EPHA6: variants seen among roughly 807,000 people sequenced by gnomAD.
The protein encoded by EPHA6 is ephrin type-A receptor 6.
Under a neutral mutation model 112.0 loss-of-function variants are expected in EPHA6, and 50 were observed. That is an observed-to-expected ratio of 0.45 (90% CI 0.36 to 0.56). The LOEUF (loss-of-function observed/expected upper bound fraction) is 0.56. Ranked by LOEUF, EPHA6 falls within the 20% of genes least tolerant of loss-of-function variation. The probability of loss-of-function intolerance (pLI) is 0.00; values close to 1 mark genes in which losing one functional copy is unlikely to be tolerated. For synonymous variants in EPHA6, 529 were observed against 490.7 expected (o/e 1.08, Z -1.03); for missense variants, 1,280 against 1,417.4 (o/e 0.90, Z 1.56).
chr3:97,229,674 A>G (rs773552551), intron 4 of EPHA6, among the ~76,000 whole-genome samples: 7 of 152,140 alleles, frequency 4.6e-5, no homozygotes, highest in South Asian at 2.1e-4. Flanking sequence ...AGATGTCCCA[A>G]TTTTTTAAAC....
intron 12 of EPHA6, among the ~76,000 whole-genome samples, chr3:97,610,243 A>G (rs1369253943): frequency 6.6e-6 from 1 of 151,566 alleles, no homozygotes; most frequent in Non-Finnish European, 1.5e-5. Context: ...GCATTCATCA[A>G]TCTAAAATTT....
At chr3:97,041,418 T>C (rs1056839239) in intron 3 of EPHA6, among the ~76,000 whole-genome samples, 3 of 152,088 alleles carry the variant, frequency 2.0e-5, no homozygotes, top group Admixed American at 1.3e-4. Flanking sequence ...TGCTGTCTTG[T>C]AATGCTGTAA....
intron 15 of EPHA6, among the ~76,000 whole-genome samples, chr3:97,725,275 C>G (rs1297204596): frequency 1.3e-5 from 2 of 152,050 alleles, no homozygotes; most frequent in African/African-American, 2.4e-5. Context: ...ACACAAATCC[C>G]AGAGGAGATT....
chr3:97,258,560 T>C (rs777862052), intron 5 of EPHA6, among the ~76,000 whole-genome samples: 1 of 152,190 alleles, frequency 6.6e-6, no homozygotes, highest in Non-Finnish European at 1.5e-5. Flanking sequence ...TTTCATATAC[T>C]GTGTACATAG....
At chr3:97,539,103 C>CCTTCCTTCCTTTCTTT in intron 11 of EPHA6, among the ~76,000 whole-genome samples, 1 of 83,874 alleles carries the variant, frequency 1.2e-5, no homozygotes, top group African/African-American at 5.5e-5. Flanking sequence ...TTCCTTCCTT[C>CCTTCCTTCCTTTCTTT]CTTTCTTTCT....
chr3:96,920,773 A>C (rs2039716473), intron 2 of EPHA6, among the ~76,000 whole-genome samples: 1 of 151,980 alleles, frequency 6.6e-6, no homozygotes, highest in Admixed American at 6.6e-5. Flanking sequence ...AACTCCATTA[A>C]ATGGCTTGAA....
chr3:97,376,240 A>G (rs890476449), intron 5 of EPHA6, among the ~76,000 whole-genome samples: 1 of 152,208 alleles, frequency 6.6e-6, no homozygotes, highest in Non-Finnish European at 1.5e-5. Flanking sequence ...GAGTTATCTC[A>G]TGATAAATAT....
intron 2 of EPHA6, among the ~76,000 whole-genome samples, chr3:96,971,197 A>G (rs1261273464): frequency 6.6e-6 from 1 of 152,096 alleles, no homozygotes; most frequent in African/African-American, 2.4e-5. Context: ...TTTATGGGAT[A>G]ATCTATTCCT....
intron 5 of EPHA6, among the ~76,000 whole-genome samples, chr3:97,324,473 T>TTTCTTTCTTTCTTTC (rs1559884080): frequency 5.6e-5 from 4 of 71,256 alleles, no homozygotes; most frequent in African/African-American, 1.8e-4. Context: ...TTCTTTCTTT[T>TTTCTTTCTTTCTTTC]TCTTTCGTCT....
At chr3:96,931,977 A>C (rs1202449293) in intron 2 of EPHA6, among the ~76,000 whole-genome samples, 1 of 152,102 alleles carries the variant, frequency 6.6e-6, no homozygotes. Flanking sequence ...GTGTGGGTCC[A>C]TTGGACCCTA....
chr3:97,654,063 T>C (rs2094123053), intron 14 of EPHA6, among the ~76,000 whole-genome samples: 1 of 151,890 alleles, frequency 6.6e-6, no homozygotes, highest in Admixed American at 6.6e-5. Flanking sequence ...TAATACACAA[T>C]ACTAAATTTA....
chr3:97,427,956 A>T (rs1417124564), intron 6 of EPHA6, among the ~76,000 whole-genome samples: 1 of 152,148 alleles, frequency 6.6e-6, no homozygotes, highest in Admixed American at 6.6e-5. Flanking sequence ...ATGGGGCACT[A>T]TGCTGATTAC....
intron 1 of EPHA6, among the ~76,000 whole-genome samples, chr3:96,815,421 T>C (rs767759637): frequency 2.0e-5 from 3 of 151,790 alleles, no homozygotes; most frequent in Admixed American, 6.6e-5. Flanking sequence ...GGCAGGGTGC[T>C]CCCGCTGTAC....
intron 14 of EPHA6, among the ~76,000 whole-genome samples, chr3:97,661,083 T>C (rs938786073): frequency 2.0e-5 from 3 of 152,154 alleles, no homozygotes; most frequent in Non-Finnish European, 4.4e-5. Context: ...GTGGAAAATA[T>C]TAGTTCCCTG....
intron 13 of EPHA6, among the ~76,000 whole-genome samples, chr3:97,635,756 G>C (rs879600746): frequency 2.6e-5 from 4 of 151,940 alleles, no homozygotes; most frequent in Admixed American, 2.6e-4. Context: ...CCGTGAATAA[G>C]GTAAAAACTC....
At chr3:97,210,097 C>T (rs888643678) in intron 3 of EPHA6, among the ~76,000 whole-genome samples, 10 of 152,048 alleles carry the variant, frequency 6.6e-5, no homozygotes, top group Non-Finnish European at 1.5e-4. Context: ...CCAATTAAAT[C>T]TTACTAAAGA....
intron 3 of EPHA6, among the ~76,000 whole-genome samples, chr3:97,192,550 C>T (rs1293961271): frequency 3.9e-5 from 6 of 152,122 alleles, no homozygotes; most frequent in Admixed American, 2.6e-4. Context: ...GGGTGGTTTG[C>T]GTATATTTTC....
At chr3:97,491,758 C>T (rs2091844569) in intron 10 of EPHA6, among the ~76,000 whole-genome samples, 1 of 151,796 alleles carries the variant, frequency 6.6e-6, no homozygotes, top group South Asian at 2.1e-4. Context: ...CCCCTAAGGA[C>T]ACATAATGTC....
intron 3 of EPHA6, among the ~76,000 whole-genome samples, chr3:97,103,281 C>G (rs938916780): frequency 1.7e-4 from 26 of 152,100 alleles, no homozygotes; most frequent in African/African-American, 6.3e-4. Flanking sequence ...CGAGGTTTTA[C>G]ATTAAAGTCT....
Sources: allele counts gnomAD v4.1 joint callset (sites outside exome capture counted in the v4.1 genomes callset), GRCh38; gene constraint gnomAD v4.1.1; transcripts MANE v1.5; gene names NCBI Gene and HGNC (gene_info 2026-07-23, HGNC 2026-07-21).